The following RFX8 variants were observed in gnomAD, a reference collection of about 807,000 sequenced individuals.
RFX8 encodes DNA-binding protein RFX8.
Under a neutral mutation model 54.6 loss-of-function variants are expected in RFX8, and 46 were observed. The observed-to-expected ratio is 0.84, with a 90% CI of 0.67 to 1.08. RFX8 has a LOEUF of 1.08. Among genes scored for constraint, RFX8 ranks in the 50% least tolerant of loss-of-function variants. The pLI, the probability that RFX8 is intolerant of heterozygous loss-of-function variation, is 0.00. For missense variants in RFX8, 536 were observed against 562.3 expected (o/e 0.95, Z 0.47); for synonymous variants, 192 against 209.5 (o/e 0.92, Z 0.72).
intron 2 of RFX8, among the ~76,000 whole-genome samples, chr2:101,440,310 T>TG (rs1688026071): frequency 1.3e-5 from 2 of 152,182 alleles, no homozygotes; most frequent in Admixed American, 1.3e-4. Flanking sequence ...ACTTGGCTCT[T>TG]GGAGTGTTCC....
chr2:101,415,428 C>T (rs1301384323), intron 6 of RFX8, among the ~76,000 whole-genome samples: 1 of 152,174 alleles, frequency 6.6e-6, no homozygotes, highest in Non-Finnish European at 1.5e-5. Context: ...GAACTATAAG[C>T]AATAAATTTC....
At chr2:101,429,047 A>G in intron 2 of RFX8, 1 of 1,425,532 alleles carries the variant, frequency 7.0e-7, no homozygotes, top group Non-Finnish European at 9.6e-7. Context: ...ACAGAGAAGT[A>G]ATTTTAGCAA....
At chr2:101,406,403 C>T in intron 9 of RFX8, among the ~76,000 whole-genome samples, 1 of 151,594 alleles carries the variant, frequency 6.6e-6, no homozygotes, top group East Asian at 2.0e-4. Context: ...ACGATCTTGG[C>T]CCACTGCAGC....
At chr2:101,407,695 TA>T (rs979718832) in intron 9 of RFX8, among the ~76,000 whole-genome samples, 48 of 145,388 alleles carry the variant, frequency 3.3e-4, no homozygotes, top group South Asian at 8.7e-4. Flanking sequence ...CCATCTCAAT[TA>T]AAAAAAAAAA....
chr2:101,459,794 G>C (rs1325146698), intron 2 of RFX8, among the ~76,000 whole-genome samples: 2 of 152,216 alleles, frequency 1.3e-5, no homozygotes, highest in Non-Finnish European at 2.9e-5. Context: ...GTTTAAGTCT[G>C]CAGAAGTTGT....
chr2:101,455,020 CTT>C (rs556030262), intron 2 of RFX8, among the ~76,000 whole-genome samples: 6 of 142,324 alleles, frequency 4.2e-5, no homozygotes, highest in African/African-American at 7.9e-5. Flanking sequence ...TTTCTTTTTT[CTT>C]TTTTTTTTTG....
At chr2:101,419,890 A>G (rs1686762201) in intron 4 of RFX8, among the ~76,000 whole-genome samples, 2 of 152,214 alleles carry the variant, frequency 1.3e-5, no homozygotes, top group Admixed American at 1.3e-4. Flanking sequence ...CCTCGGAGCA[A>G]GGAGCTTTGG....
At chr2:101,416,613 G>C (rs1308922039) in intron 6 of RFX8, among the ~76,000 whole-genome samples, 2 of 152,200 alleles carry the variant, frequency 1.3e-5, no homozygotes, top group African/African-American at 2.4e-5. Flanking sequence ...GGCAAGGAGG[G>C]TGGGACCCCG....
At chr2:101,470,445 G>T (rs1312872356) in intron 1 of RFX8, among the ~76,000 whole-genome samples, 1 of 152,068 alleles carries the variant, frequency 6.6e-6, no homozygotes, top group Non-Finnish European at 1.5e-5. Context: ...TTGGTTAAGG[G>T]TTTTATACTC....
At chr2:101,439,596 C>CTTTTTTTTTTTTTTTTT (rs139433618) in intron 2 of RFX8, among the ~76,000 whole-genome samples, 2 of 143,604 alleles carry the variant, frequency 1.4e-5, no homozygotes, top group African/African-American at 2.6e-5. Flanking sequence ...GATTGAAGTT[C>CTTTTTTTTTTTTTTTTT]ATTTTTTTTT....
At chr2:101,405,186 A>C (rs1573349667) in intron 10 of RFX8, among the ~76,000 whole-genome samples, 2 of 144,990 alleles carry the variant, frequency 1.4e-5, no homozygotes, top group Admixed American at 7.0e-5. Context: ...CGTTCTTGTC[A>C]CCCAGGCTGG....
chr2:101,420,257 C>A (rs1422453872), intron 4 of RFX8, among the ~76,000 whole-genome samples: 1 of 152,012 alleles, frequency 6.6e-6, no homozygotes, highest in Non-Finnish European at 1.5e-5. Context: ...ATAATAAAAT[C>A]TAGGCTGGGC....
In RFX8 at chr2:101,442,189, C is replaced by T. The variant is rs536394675; in HGVS notation, c.73-19717G>A. Among the ~76,000 whole-genome samples, 3 of 152,284 alleles carry T rather than the reference C, an allele frequency of 2.0e-5. No homozygotes were observed. In the South Asian group the frequency reaches 6.2e-4, roughly 32 times the overall value. On this transcript the variant is annotated intron_variant, in intron 2 of 11. Transcript: ENST00000428343. ...GTGGAAATCTTTTTTCCATTTAGGCCTCTTTACCTTCCCCACTTTTAAATA... is the reference window on the plus strand; with the variant it reads ...GTGGAAATCTTTTTTCCATTTAGGCTTCTTTACCTTCCCCACTTTTAAATA...
At position 101,470,344 on chromosome 2, in the gene RFX8, G is replaced by C. The variant is rs112123597; in HGVS notation, c.-52-3444C>G. Among the ~76,000 whole-genome samples, 4 of 152,276 alleles carry C rather than the reference G, an allele frequency of 2.6e-5. 1 individual carries two copies. The highest frequency in any genetic ancestry group is 9.6e-5 in the African/African-American group (4 of 41,546). On this transcript the variant is annotated intron_variant, in intron 1 of 11. Transcript: ENST00000428343. The stretch of plus-strand genomic sequence containing the variant: ...CTGATGTTGGCAGAGTGGCTACACA[G>C]AGCACCTGCTGTAGGTGAGCCTGAC...
At chr2:101,414,751 C>T in intron 7 of RFX8, 103 bp downstream of exon 7, 1 of 884,620 alleles carries the variant, frequency 1.1e-6, no homozygotes, top group Non-Finnish European at 1.8e-6. Flanking sequence ...CCTCTGCCCT[C>T]CAGATGGACA....
At chr2:101,474,119 G>A (rs918011377) in intron 1 of RFX8, 113 of 534,990 alleles carry the variant, frequency 2.1e-4, no homozygotes, top group Non-Finnish European at 3.2e-4. Flanking sequence ...CCGGCGTCCC[G>A]AGGGCAGCCG....
At chr2:101,425,091 G>A (rs1019457545) in intron 2 of RFX8, among the ~76,000 whole-genome samples, 2 of 151,976 alleles carry the variant, frequency 1.3e-5, no homozygotes, top group East Asian at 1.9e-4. Context: ...TGATGCTCAC[G>A]TTGATCATAC....
chr2:101,448,470 A>G (rs1435525335), intron 2 of RFX8, among the ~76,000 whole-genome samples: 3 of 152,120 alleles, frequency 2.0e-5, no homozygotes, highest in Non-Finnish European at 2.9e-5. Flanking sequence ...TCAAAATTCT[A>G]ATCTGTTCTT....
chr2:101,413,036 G>T lies in RFX8; in HGVS notation c.597C>A (p.Val199=). ...MRMVLKSKRR[V]SVLKSDLQAI... is the part of the protein sequence containing the mutation. ...CCTGTAGATCTGACTTCAAAACGCT[G>T]ACACGCCTCTTACTTTTCAATACCA... Residue 199 remains valine (V), a synonymous_variant, in exon 8 of 12, where the codon GTC becomes GTA. Coordinates refer to ENST00000428343, the MANE Select transcript of RFX8 (RefSeq NM_001145664.2). 1.3e-6 allele frequency: 2 copies of T among 1,552,110 alleles called. No homozygotes were observed. The highest frequency in any genetic ancestry group is 1.7e-6 in the Non-Finnish European group (2 of 1,147,052).
Sources: gnomAD v4.1 joint callset for allele counts (sites outside exome capture counted in the v4.1 genomes callset) on GRCh38, gnomAD v4.1.1 for gene constraint, MANE v1.5 for transcripts, NCBI Gene and HGNC (gene_info 2026-07-23, HGNC 2026-07-21) for gene names.